TENM4: variants seen among roughly 807,000 people sequenced by gnomAD.
TENM4 encodes teneurin-4.
Under a neutral mutation model 243.3 loss-of-function variants are expected in TENM4, and 82 were observed. That is an observed-to-expected ratio of 0.34 (90% CI 0.28 to 0.40). The LOEUF (loss-of-function observed/expected upper bound fraction) is 0.40, where lower values mean the gene tolerates loss of function less well. TENM4 is among the 10% of genes least tolerant of loss of function. The pLI is 1.00. For missense variants in TENM4, 3,138 were observed against 3,673.3 expected (o/e 0.85, Z 3.77); for synonymous variants, 1,412 against 1,456.3 (o/e 0.97, Z 0.69).
intron 12 of TENM4, among the ~76,000 whole-genome samples, chr11:78,845,671 A>G (rs1858374967): frequency 1.3e-5 from 2 of 152,230 alleles, no homozygotes; most frequent in African/African-American, 4.8e-5. Context: ...AAAGGGAAAG[A>G]AAAAATAATA....
In TENM4 at chr11:79,133,466, G is replaced by A. The variant is rs116665556; in HGVS notation, c.-66+15244C>T. 5.4e-3 allele frequency among the ~76,000 whole-genome samples: 827 copies of A among 152,144 alleles called. 12 individuals are homozygous for A. The highest frequency in any genetic ancestry group is 0.019 in the African/African-American group (779 of 41,524). Reference sequence around the variant, plus strand: ...CAATCCTTTTGACACTATTCCACAAGATCGAGAAAGAAGGAACCCTCCCTA... The same window carrying A: ...CAATCCTTTTGACACTATTCCACAAAATCGAGAAAGAAGGAACCCTCCCTA... On this transcript the variant is annotated intron_variant, in intron 4 of 33. Coordinates refer to ENST00000278550, the MANE Select transcript of TENM4 (RefSeq NM_001098816.3).
At chr11:78,765,855 G>A (rs537783117) in intron 18 of TENM4, among the ~76,000 whole-genome samples, 89 of 152,230 alleles carry the variant, frequency 5.8e-4, no homozygotes, top group African/African-American at 2.0e-3. Context: ...CTTTATGTAC[G>A]TTTGGATTCT....
intron 26 of TENM4, among the ~76,000 whole-genome samples, chr11:78,712,018 C>T (rs565099310): frequency 2.2e-4 from 34 of 152,224 alleles, no homozygotes; most frequent in African/African-American, 7.5e-4. Flanking sequence ...TTAACCCACC[C>T]GATAGCATAT....
At chr11:78,695,620 C>T (rs1031746450) in intron 28 of TENM4, among the ~76,000 whole-genome samples, 1 of 151,900 alleles carries the variant, frequency 6.6e-6, no homozygotes, top group Non-Finnish European at 1.5e-5. Context: ...GCCTCGGCCT[C>T]CCAAAGTGCT....
At chr11:79,318,758 A>C (rs756086804) in intron 1 of TENM4, among the ~76,000 whole-genome samples, 1 of 152,226 alleles carries the variant, frequency 6.6e-6, no homozygotes, top group Non-Finnish European at 1.5e-5. Context: ...GAATTTATGC[A>C]ACTTAATTTT....
intron 18 of TENM4, among the ~76,000 whole-genome samples, chr11:78,757,941 C>T (rs1164031122): frequency 6.6e-6 from 1 of 152,220 alleles, no homozygotes; most frequent in Non-Finnish European, 1.5e-5. Flanking sequence ...ACTTGTATTA[C>T]AGCTCTACTA....
At chr11:78,896,190 C>T (rs1405210739) in intron 7 of TENM4, among the ~76,000 whole-genome samples, 2 of 152,204 alleles carry the variant, frequency 1.3e-5, no homozygotes, top group African/African-American at 2.4e-5. Flanking sequence ...ACCCACAAAG[C>T]CACGGGACAG....
intron 1 of TENM4, among the ~76,000 whole-genome samples, chr11:79,422,476 T>C (rs1237280253): frequency 1.3e-5 from 2 of 152,140 alleles, no homozygotes; most frequent in African/African-American, 2.4e-5. Flanking sequence ...ATGTTTAATA[T>C]GGGGCCCCTA....
chr11:79,091,045 T>G (rs1435475966), intron 4 of TENM4, among the ~76,000 whole-genome samples: 1 of 152,166 alleles, frequency 6.6e-6, no homozygotes, highest in East Asian at 1.9e-4. Flanking sequence ...ACGCTGGCAG[T>G]CAGGAGAAAG....
At chr11:79,394,525 C>T (rs1018286459) in intron 1 of TENM4, among the ~76,000 whole-genome samples, 3 of 152,198 alleles carry the variant, frequency 2.0e-5, no homozygotes, top group South Asian at 2.1e-4. Context: ...ATGCAATCAT[C>T]ACTGTCGCAT....
At chr11:79,392,538 G>A (rs1287998660) in intron 1 of TENM4, among the ~76,000 whole-genome samples, 1 of 152,206 alleles carries the variant, frequency 6.6e-6, no homozygotes, top group Non-Finnish European at 1.5e-5. Context: ...ACAAGGATTT[G>A]GGGTAAGGAA....
intron 2 of TENM4, among the ~76,000 whole-genome samples, chr11:79,243,650 G>A (rs1040363271): frequency 1.3e-5 from 2 of 152,222 alleles, no homozygotes; most frequent in East Asian, 3.9e-4. Context: ...AAGGTCACCC[G>A]CTCACCAGGG....
At chr11:79,148,968 T>C (rs772628409) in intron 3 of TENM4, among the ~76,000 whole-genome samples, 162 bp from the exon 4 acceptor site, 1 of 152,066 alleles carries the variant, frequency 6.6e-6, no homozygotes, top group Non-Finnish European at 1.5e-5. Flanking sequence ...GTCTAGTGTT[T>C]GAACGCTCAG....
chr11:78,932,923 C>CCACGGTCCGGTACAGGTT (rs1342534744), intron 6 of TENM4, among the ~76,000 whole-genome samples: 1 of 152,174 alleles, frequency 6.6e-6, no homozygotes, highest in Non-Finnish European at 1.5e-5. Context: ...TCCTAACAGG[C>CCACGGTCCGGTACAGGTT]CACGGTCCGG....
chr11:79,320,402 A>AAATC (rs1856869001), intron 1 of TENM4, among the ~76,000 whole-genome samples: 1 of 152,222 alleles, frequency 6.6e-6, no homozygotes, highest in South Asian at 2.1e-4. Flanking sequence ...TCTTACTTTA[A>AAATC]AATCAATCAA....
chr11:79,423,840 C>T (rs1480224808), intron 1 of TENM4, among the ~76,000 whole-genome samples: 1 of 152,074 alleles, frequency 6.6e-6, no homozygotes, highest in Non-Finnish European at 1.5e-5. Context: ...ATAATAATCA[C>T]AATACTTCTA....
intron 6 of TENM4, among the ~76,000 whole-genome samples, chr11:79,027,402 C>A (rs1205804312): frequency 6.6e-6 from 1 of 152,192 alleles, no homozygotes; most frequent in Admixed American, 6.5e-5. Context: ...CACAACTCTT[C>A]TGTGGCAGAG....
intron 2 of TENM4, among the ~76,000 whole-genome samples, chr11:79,272,928 T>G (rs597444): frequency 6.6e-6 from 1 of 151,936 alleles, no homozygotes; most frequent in Admixed American, 6.5e-5. Context: ...CACCCAGTAA[T>G]GTATGCAATT....
intron 2 of TENM4, among the ~76,000 whole-genome samples, chr11:79,258,376 C>T (rs1308647837): frequency 6.6e-6 from 1 of 152,120 alleles, no homozygotes; most frequent in Non-Finnish European, 1.5e-5. Context: ...TTCCATTTTC[C>T]AGCCTCCCCA....
Sources: gnomAD v4.1 joint callset for allele counts (sites outside exome capture counted in the v4.1 genomes callset) on GRCh38, gnomAD v4.1.1 for gene constraint, MANE v1.5 for transcripts, NCBI Gene and HGNC (gene_info 2026-07-23, HGNC 2026-07-21) for gene names.